Variants in PRRT1B observed in about 807,000 individuals in gnomAD.
The protein encoded by PRRT1B is proline rich transmembrane protein 1B.
exon 4 of PRRT1B, chr9:131,558,139 C>T (rs553737220): frequency 2.5e-5 from 10 of 401,044 alleles, no homozygotes; most frequent in Non-Finnish European, 3.5e-5. Context: ...TCAGCCTGCT[C>T]TTCGGGGTCT....
intron 1 of PRRT1B, among the ~76,000 whole-genome samples, chr9:131,546,783 C>T (rs1006841356): frequency 2.0e-5 from 3 of 152,182 alleles, no homozygotes; most frequent in Non-Finnish European, 2.9e-5. Flanking sequence ...GCGCCGCCAG[C>T]AGATTTATTT....
chr9:131,554,164 G>A (rs73660023), intron 1 of PRRT1B, among the ~76,000 whole-genome samples: 2,816 of 152,304 alleles, frequency 0.018, 99 homozygotes, highest in African/African-American at 0.064. Context: ...TCAGGTAGGC[G>A]TCCCCTTCAT....
At chr9:131,556,726 G>T (rs1951053291) in intron 3 of PRRT1B, among the ~76,000 whole-genome samples, 1 of 151,900 alleles carries the variant, frequency 6.6e-6, no homozygotes, top group African/African-American at 2.4e-5. Context: ...CCACCCTCTG[G>T]GTTCAAGTGA....
intron 1 of PRRT1B, among the ~76,000 whole-genome samples, chr9:131,549,006 A>C (rs1950992953): frequency 6.6e-6 from 1 of 152,192 alleles, no homozygotes; most frequent in Non-Finnish European, 1.5e-5. Context: ...AGCCCAGTTC[A>C]TGGCTGTTTG....
rs1950996237 is a variant in PRRT1B, at chr9:131,549,411, C to T, written c.25+3771C>T. The stretch of plus-strand genomic sequence containing the variant: ...GAGGAATGCCCCCAGCCCGGGATTC[C>T]TCCTAAGCCATGTCCCATCTGTGCG... On this transcript the variant is annotated intron_variant, in intron 1 of 3. Coordinates refer to ENST00000636672, the Ensembl canonical transcript of PRRT1B. Among the ~76,000 whole-genome samples, 3 of 147,418 alleles carry T rather than the reference C, an allele frequency of 2.0e-5. No individual in the cohort carries two copies. The South Asian group carries it at 6.3e-4, about 31-fold the overall frequency.
chr9:131,547,615 G>A lies in PRRT1B; in HGVS notation c.25+1975G>A, dbSNP rs543394390. Among the ~76,000 whole-genome samples the A allele has an allele frequency of 9.2e-5, 14 of 152,280 alleles. No individual in the cohort carries two copies. In the East Asian group the frequency reaches 1.7e-3, roughly 19 times the overall value. On this transcript the variant is annotated intron_variant, in intron 1 of 3. Transcript: ENST00000636672. ...TTTGGTGGTCTCTTCACACGGACGC[G>A]AGTGAAATTTGGTGCCGTGACTCAG... is the stretch of plus-strand genomic sequence containing the variant.
At chr9:131,552,655 G>T (rs1012155721) in intron 1 of PRRT1B, among the ~76,000 whole-genome samples, 3 of 131,908 alleles carry the variant, frequency 2.3e-5, no homozygotes, top group South Asian at 2.2e-4. Context: ...CATGCAGTTT[G>T]GGGGGGAGCC....
intron 1 of PRRT1B, among the ~76,000 whole-genome samples, chr9:131,552,418 T>C (rs1030723725): frequency 3.3e-5 from 5 of 152,230 alleles, no homozygotes; most frequent in Non-Finnish European, 7.3e-5. Flanking sequence ...GGTCACTGTA[T>C]GGCGAACAGT....
At chr9:131,548,437 A>G (rs142181079) in intron 1 of PRRT1B, among the ~76,000 whole-genome samples, 14 of 152,244 alleles carry the variant, frequency 9.2e-5, no homozygotes, top group Non-Finnish European at 1.3e-4. Flanking sequence ...CTTGACCCCA[A>G]TACAAACTCG....
chr9:131,557,679 C>G (rs1053290554), intron 3 of PRRT1B, among the ~76,000 whole-genome samples: 3 of 152,260 alleles, frequency 2.0e-5, no homozygotes, highest in Non-Finnish European at 4.4e-5. Flanking sequence ...AGAGGTGGGA[C>G]TTGAGAGGTT....
At chr9:131,552,501 A>G (rs1320735762) in intron 1 of PRRT1B, among the ~76,000 whole-genome samples, 1 of 152,198 alleles carries the variant, frequency 6.6e-6, no homozygotes, top group African/African-American at 2.4e-5. Context: ...TCCCTGGAGA[A>G]GGTGGGTTTG....
At chr9:131,554,919 C>G in exon 2 of PRRT1B, 1 of 386,436 alleles carries the variant, frequency 2.6e-6, no homozygotes, top group Non-Finnish European at 4.6e-6. Flanking sequence ...CGTGGTCCTG[C>G]AGCCCGCGCC....
At chr9:131,545,636 G>GGCAGGAGCTGGAGGT (rs1456390282) in exon 1 of PRRT1B, 2 of 400,562 alleles carry the variant, frequency 5.0e-6, no homozygotes, top group African/African-American at 4.1e-5. Context: ...GAGCTGGAGG[G>GGCAGGAGCTGGAGGT]GCAGGTGCCG....
At chr9:131,554,055 C>T (rs4740278) in intron 1 of PRRT1B, among the ~76,000 whole-genome samples, 71,429 of 151,872 alleles carry the variant, frequency 0.47, 17,011 homozygotes, top group African/African-American at 0.51. Context: ...GACCTCCTGG[C>T]TCCACCATGT....
downstream of PRRT1B, among the ~76,000 whole-genome samples, chr9:131,558,806 A>G (rs150863208): frequency 1.2e-4 from 18 of 152,320 alleles, no homozygotes; most frequent in Admixed American, 7.2e-4. Flanking sequence ...AATCAACAGA[A>G]AGTGACACAT....
At chr9:131,556,099 C>A in exon 3 of PRRT1B, 1 of 401,108 alleles carries the variant, frequency 2.5e-6, no homozygotes, top group Middle Eastern at 3.1e-4. Flanking sequence ...GCGTGCCAGG[C>A]CCTGCCACGG....
At chr9:131,554,469 G>A (rs1370478266) in intron 1 of PRRT1B, 88 bp from the exon 2 acceptor site, 1 of 365,430 alleles carries the variant, frequency 2.7e-6, no homozygotes, top group African/African-American at 2.1e-5. Context: ...CAGAGGGCTG[G>A]GAGCTTGGTT....
chr9:131,549,302 C>T (rs948079930), intron 1 of PRRT1B, among the ~76,000 whole-genome samples: 1 of 152,228 alleles, frequency 6.6e-6, no homozygotes, highest in Admixed American at 6.5e-5. Context: ...ACTTCAAACG[C>T]CTGAACCGCA....
At chr9:131,559,812 T>G (rs1450340216), downstream of PRRT1B, among the ~76,000 whole-genome samples, 6 of 152,232 alleles carry the variant, frequency 3.9e-5, no homozygotes, top group Admixed American at 3.9e-4. Context: ...GATCATGACA[T>G]GGATGCCCCC....
Sources: allele counts gnomAD v4.1 joint callset (sites outside exome capture counted in the v4.1 genomes callset), GRCh38; gene constraint gnomAD v4.1.1; transcripts MANE v1.5; gene names NCBI Gene and HGNC (gene_info 2026-07-23, HGNC 2026-07-21).